COL24A1: variants seen among roughly 807,000 people sequenced by gnomAD.
COL24A1 encodes the protein collagen alpha-1(XXIV) chain.
COL24A1 carries 224 observed loss-of-function variants against 253.9 expected under a neutral mutation model. That is an observed-to-expected ratio of 0.88 (90% confidence interval 0.79 to 0.99). The LOEUF is 0.99. COL24A1 is among the 50% of genes least tolerant of loss of function. The probability of loss-of-function intolerance (pLI) is 0.00; values close to 1 mark genes in which losing one functional copy is unlikely to be tolerated. For synonymous variants in COL24A1, 685 were observed against 673.7 expected, an observed-to-expected ratio of 1.02 and a Z score of -0.26; for missense variants, 2,131 against 2,068.5, an observed-to-expected ratio of 1.03 and a Z score of -0.59.
At chr1:85,938,306 T>C (rs1030321181) in intron 24 of COL24A1, among the ~76,000 whole-genome samples, 4 of 146,948 alleles carry the variant, frequency 2.7e-5, no homozygotes, top group African/African-American at 1.0e-4. Flanking sequence ...TCTGCAGACA[T>C]GGAGGCCCTC....
intron 26 of COL24A1, among the ~76,000 whole-genome samples, chr1:85,909,338 A>G (rs1685149961): frequency 6.6e-6 from 1 of 151,884 alleles, no homozygotes; most frequent in Admixed American, 6.6e-5. Flanking sequence ...ATCCATTACA[A>G]GGCATTTTCT....
chr1:85,744,999 A>T (rs1665057073), intron 56 of COL24A1, among the ~76,000 whole-genome samples, 165 bp from the exon 57 acceptor site: 1 of 151,836 alleles, frequency 6.6e-6, no homozygotes, highest in South Asian at 2.1e-4. Context: ...TAATAACCTT[A>T]ATCTTTTAAA....
chr1:86,099,194 T>C (rs1031253086), intron 5 of COL24A1, among the ~76,000 whole-genome samples: 1 of 152,282 alleles, frequency 6.6e-6, no homozygotes, highest in Admixed American at 6.5e-5. Flanking sequence ...AGAAATTATA[T>C]ATTTCCGAGT....
chr1:86,037,145 C>G (rs1273327836), intron 12 of COL24A1, among the ~76,000 whole-genome samples: 1 of 152,172 alleles, frequency 6.6e-6, no homozygotes, highest in Non-Finnish European at 1.5e-5. Flanking sequence ...AAAATCTCTT[C>G]AAGTTGTAAA....
At chr1:86,034,408 A>G (rs1698839928) in intron 12 of COL24A1, among the ~76,000 whole-genome samples, 1 of 152,162 alleles carries the variant, frequency 6.6e-6, no homozygotes, top group Non-Finnish European at 1.5e-5. Context: ...TATTCAATAG[A>G]TACTAATATT....
chr1:85,823,760 T>C (rs1673908044), intron 43 of COL24A1, 22 bp from the exon 44 acceptor site: 2 of 1,607,598 alleles, frequency 1.2e-6, no homozygotes, highest in Non-Finnish European at 1.7e-6. Context: ...AAAGATTACA[T>C]TATTAGAGTA....
intron 10 of COL24A1, among the ~76,000 whole-genome samples, chr1:86,056,462 A>G (rs905031274): frequency 9.2e-5 from 14 of 152,244 alleles, no homozygotes; most frequent in African/African-American, 3.4e-4. Flanking sequence ...AAAGAATAAA[A>G]TACATATGAA....
At chr1:85,865,466 A>G (rs1004620407) in intron 37 of COL24A1, among the ~76,000 whole-genome samples, 1 of 152,204 alleles carries the variant, frequency 6.6e-6, no homozygotes, top group Admixed American at 6.5e-5. Context: ...TGTACTAGGC[A>G]TGATTTTTCC....
chr1:85,995,146 G>C (rs1694655442), intron 19 of COL24A1, among the ~76,000 whole-genome samples: 1 of 135,814 alleles, frequency 7.4e-6, no homozygotes, highest in Non-Finnish European at 1.6e-5. Flanking sequence ...TGTTTAGATA[G>C]TATTTACAGT....
At chr1:86,022,104 G>C (rs1697589634) in intron 18 of COL24A1, 136 bp downstream of exon 18, 4 of 782,254 alleles carry the variant, frequency 5.1e-6, no homozygotes, top group Non-Finnish European at 8.7e-6. Context: ...GAATACCTGA[G>C]GGATTTGCTA....
At chr1:86,112,767 C>T (rs1267349972) in intron 4 of COL24A1, 147 bp from the exon 5 acceptor site, 2 of 581,442 alleles carry the variant, frequency 3.4e-6, no homozygotes, top group Non-Finnish European at 5.7e-6. Context: ...GACCTACTTA[C>T]TTCAGCTTAT....
At chr1:85,755,265 T>C (rs933054811) in intron 55 of COL24A1, among the ~76,000 whole-genome samples, 2 of 152,154 alleles carry the variant, frequency 1.3e-5, no homozygotes, top group African/African-American at 4.8e-5. Context: ...AGACAATTTA[T>C]CACTAACATA....
intron 43 of COL24A1, among the ~76,000 whole-genome samples, chr1:85,838,234 A>G (rs1676229250): frequency 6.6e-6 from 1 of 152,210 alleles, no homozygotes; most frequent in South Asian, 2.1e-4. Flanking sequence ...ACAATAAACA[A>G]GGAAACAAAT....
chr1:85,785,387 G>A (rs1669574697), intron 48 of COL24A1, among the ~76,000 whole-genome samples: 1 of 152,144 alleles, frequency 6.6e-6, no homozygotes, highest in Admixed American at 6.6e-5. Context: ...TTTAGAGATA[G>A]GTTAATGAAA....
intron 23 of COL24A1, among the ~76,000 whole-genome samples, chr1:85,962,206 C>T (rs993249685): frequency 1.3e-5 from 2 of 152,092 alleles, no homozygotes; most frequent in African/African-American, 4.8e-5. Context: ...TAGGAGCAGG[C>T]ACCCTGTGAA....
intron 22 of COL24A1, 107 bp downstream of exon 22, chr1:85,970,120 C>T: frequency 9.9e-7 from 1 of 1,014,756 alleles, no homozygotes. Context: ...AATTTGTTTT[C>T]ATTTTTGTCC....
At chr1:85,976,548 C>A (rs758517973) in intron 20 of COL24A1, among the ~76,000 whole-genome samples, 1 of 152,252 alleles carries the variant, frequency 6.6e-6, no homozygotes, top group East Asian at 1.9e-4. Flanking sequence ...ACTTCTCTAC[C>A]CGCCTAGTAG....
chr1:86,156,175 T>G (rs1653580940), intron 1 of COL24A1, 166 bp downstream of exon 1: 2 of 599,498 alleles, frequency 3.3e-6, no homozygotes, highest in Admixed American at 3.0e-5. Context: ...CACGGTATTT[T>G]GCAAGCTGAG....
intron 6 of COL24A1, 108 bp from the exon 7 acceptor site, chr1:86,089,335 C>A: frequency 1.2e-6 from 1 of 854,968 alleles, no homozygotes; most frequent in Non-Finnish European, 1.9e-6. Flanking sequence ...TTATTACAAT[C>A]ATTTCCAATC....
Sources: gnomAD v4.1 joint callset for allele counts (sites outside exome capture counted in the v4.1 genomes callset) on GRCh38, gnomAD v4.1.1 for gene constraint, MANE v1.5 for transcripts, NCBI Gene and HGNC (gene_info 2026-07-23, HGNC 2026-07-21) for gene names.